The following ROBO2 variants were observed in gnomAD, a reference collection of about 807,000 sequenced individuals.
ROBO2 encodes roundabout homolog 2.
Under a neutral mutation model 160.8 loss-of-function variants are expected in ROBO2, and 53 were observed. That is an observed-to-expected ratio of 0.33 (90% CI 0.26 to 0.41). ROBO2 has a LOEUF of 0.41. Ranked by LOEUF, ROBO2 falls within the 10% of genes least tolerant of loss-of-function variation. ROBO2 has a pLI of 1.00. For missense variants in ROBO2, 1,577 were observed against 1,722.4 expected (o/e 0.92, Z 1.49); for synonymous variants, 664 against 611.7 (o/e 1.09, Z -1.26).
chr3:76,939,433 C>T (rs1286888705), intron 2 of ROBO2, among the ~76,000 whole-genome samples: 1 of 152,138 alleles, frequency 6.6e-6, no homozygotes, highest in Non-Finnish European at 1.5e-5. Flanking sequence ...AGATTTCCTT[C>T]TTGTGAAATT....
At chr3:77,364,119 T>G (rs1303566069) in intron 2 of ROBO2, among the ~76,000 whole-genome samples, 1 of 152,186 alleles carries the variant, frequency 6.6e-6, no homozygotes, top group Non-Finnish European at 1.5e-5. Flanking sequence ...ATTGCTAAAG[T>G]CTTTCCAGTG....
chr3:77,644,121 A>T (rs974202055), intron 24 of ROBO2, among the ~76,000 whole-genome samples: 2 of 22,062 alleles, frequency 9.1e-5, no homozygotes, highest in African/African-American at 2.2e-4. Context: ...GACAATCTGT[A>T]AAAAAAAAAA....
At chr3:75,951,723 A>T (rs1331441550) in intron 2 of ROBO2, among the ~76,000 whole-genome samples, 1 of 152,066 alleles carries the variant, frequency 6.6e-6, no homozygotes, top group Admixed American at 6.6e-5. Flanking sequence ...AAGGGGCATT[A>T]TTCACTACCT....
intron 5 of ROBO2, among the ~76,000 whole-genome samples, chr3:77,497,735 T>C (rs933887360): frequency 3.3e-5 from 5 of 152,134 alleles, no homozygotes; most frequent in Non-Finnish European, 5.9e-5. Flanking sequence ...AAGTTGTCAG[T>C]ATTTATAATA....
chr3:76,938,368 A>AC (rs1204306429), intron 2 of ROBO2, among the ~76,000 whole-genome samples: 2 of 140,794 alleles, frequency 1.4e-5, no homozygotes, highest in African/African-American at 2.6e-5. Context: ...TACCCCCCCC[A>AC]AAAAAGGCTG....
intron 2 of ROBO2, among the ~76,000 whole-genome samples, chr3:76,299,067 T>C (rs1482020994): frequency 6.6e-6 from 1 of 152,236 alleles, no homozygotes; most frequent in Non-Finnish European, 1.5e-5. Flanking sequence ...TCAGGTGCCT[T>C]ACACATACAC....
chr3:76,862,155 A>C (rs2148621612), intron 2 of ROBO2, among the ~76,000 whole-genome samples: 1 of 152,224 alleles, frequency 6.6e-6, no homozygotes, highest in East Asian at 1.9e-4. Context: ...TCTCTCTTCA[A>C]GGTAGAAAGG....
Position 76,798,997 on chromosome 3 carries a change from A to G in ROBO2, c.110-299017A>G, listed in dbSNP as rs57262271. ...TGGGAGGCCGAGGCGGGTGCATCAC[A>G]AGGTCAGGAGATGGAGACCATCCTG... is the stretch of plus-strand genomic sequence containing the variant. On this transcript the variant is annotated intron_variant, in intron 2 of 26. Coordinates refer to the ROBO2 transcript ENST00000487694. 8.3e-3 allele frequency among the ~76,000 whole-genome samples: 1,259 copies of G among 152,122 alleles called. 14 individuals are homozygous for G. Among genetic ancestry groups the G allele is most frequent in the African/African-American group, 0.029 (1,183 of 41,502 alleles).
chr3:77,076,370 T>A (rs1410016380), intron 1 of ROBO2, among the ~76,000 whole-genome samples: 1 of 152,162 alleles, frequency 6.6e-6, no homozygotes, highest in African/African-American at 2.4e-5. Context: ...AAAACTTCTT[T>A]GGGGAAGGAA....
chr3:76,851,560 C>T (rs533981146), intron 2 of ROBO2, among the ~76,000 whole-genome samples: 59 of 150,356 alleles, frequency 3.9e-4, no homozygotes, highest in Admixed American at 1.2e-3. Context: ...AAGGTGAAAC[C>T]CCGTCTCTAC....
chr3:76,329,830 C>G (rs2073346129), intron 2 of ROBO2, among the ~76,000 whole-genome samples: 1 of 152,154 alleles, frequency 6.6e-6, no homozygotes, highest in Non-Finnish European at 1.5e-5. Flanking sequence ...TTTCAGAATT[C>G]TCTTCAAAGG....
chr3:76,017,964 T>G (rs1460625090), intron 2 of ROBO2, among the ~76,000 whole-genome samples: 2 of 152,068 alleles, frequency 1.3e-5, no homozygotes, highest in Non-Finnish European at 2.9e-5. Context: ...TTAATGCCAT[T>G]TAAATAATTA....
intron 2 of ROBO2, among the ~76,000 whole-genome samples, chr3:77,416,978 C>A (rs1278922051): frequency 6.6e-6 from 1 of 152,024 alleles, no homozygotes; most frequent in Non-Finnish European, 1.5e-5. Flanking sequence ...ATAATGAGTT[C>A]ATTATGTACA....
chr3:76,785,536 C>T (rs548812743), intron 2 of ROBO2, among the ~76,000 whole-genome samples: 1 of 151,142 alleles, frequency 6.6e-6, no homozygotes, highest in African/African-American at 2.4e-5. Flanking sequence ...AGTGCTATGG[C>T]AATGGACAGT....
intron 2 of ROBO2, among the ~76,000 whole-genome samples, chr3:76,132,891 C>T (rs560670770): frequency 9.9e-5 from 15 of 152,166 alleles, no homozygotes; most frequent in South Asian, 8.3e-4. Context: ...GGGAAGAAAG[C>T]GCAAAGTGAA....
intron 4 of ROBO2, 109 bp downstream of exon 4, chr3:77,481,328 C>T (rs926123304): frequency 2.4e-5 from 19 of 789,454 alleles, no homozygotes; most frequent in Admixed American, 1.2e-4. Flanking sequence ...ACTCATGACT[C>T]ATGGTAAGCA....
chr3:75,975,390 G>A, intron 2 of ROBO2, among the ~76,000 whole-genome samples: 1 of 151,180 alleles, frequency 6.6e-6, no homozygotes, highest in South Asian at 2.1e-4. Flanking sequence ...GAGCAATTTT[G>A]TCTACGCTTT....
At chr3:76,586,947 A>G (rs1432197903) in intron 2 of ROBO2, among the ~76,000 whole-genome samples, 2 of 152,088 alleles carry the variant, frequency 1.3e-5, no homozygotes, top group East Asian at 3.9e-4. Context: ...AAATTGACAA[A>G]CCTCACCTTG....
intron 2 of ROBO2, among the ~76,000 whole-genome samples, chr3:76,935,859 C>T (rs1426855487): frequency 6.6e-6 from 1 of 152,150 alleles, no homozygotes; most frequent in African/African-American, 2.4e-5. Context: ...AATATGAGCA[C>T]TAATCCCATT....
Sources: gnomAD v4.1 joint callset for allele counts (sites outside exome capture counted in the v4.1 genomes callset) on GRCh38, gnomAD v4.1.1 for gene constraint, MANE v1.5 for transcripts, NCBI Gene and HGNC (gene_info 2026-07-23, HGNC 2026-07-21) for gene names.